Variants in TRIL observed in about 807,000 individuals in gnomAD.
The protein encoded by TRIL is TLR4 interactor with leucine rich repeats.
A neutral mutation model predicts 43.0 loss-of-function variants in TRIL; 23 were observed. The ratio of observed to expected loss-of-function variants is 0.54; its 90% CI spans 0.39 to 0.76. The LOEUF (loss-of-function observed/expected upper bound fraction) is 0.76, where lower values mean the gene tolerates loss of function less well. Among genes scored for constraint, TRIL ranks in the 30% least tolerant of loss-of-function variants. The pLI, the probability that TRIL is intolerant of heterozygous loss-of-function variation, is 0.00. For synonymous variants in TRIL, 602 were observed against 556.8 expected (o/e 1.08, Z -1.14); for missense variants, 1,114 against 1,139.3 (o/e 0.98, Z 0.32).
In TRIL at chr7:28,957,589, C is replaced by A. The variant is rs1274780199; in HGVS notation, c.458G>T (p.Gly153Val). Residue 153 changes from glycine to valine, a missense_variant, in exon 1 of 1, where the codon GGC (glycine) becomes GTC (valine). By Grantham distance (109) the Gly-to-Val change is moderately radical. Transcript: ENST00000539664. ...CCGCAGCTTGACTAGACTCTCCAGG[C>A]CCTCGAAGGAGCCGCGGCTTAGGCG... Reference protein sequence around the residue: ...ISRLSRGSFEGLESLVKLRLD... With the variant: ...ISRLSRGSFEVLESLVKLRLD... 6.2e-7 allele frequency: 1 copy of A among 1,612,246 alleles called. No homozygotes were observed.
rs778141580 is a variant in TRIL, at chr7:28,955,836, G to T, written c.2211C>A (p.His737Gln). The T allele has an allele frequency of 1.3e-6, 2 of 1,549,686 alleles. No individual in the cohort carries two copies. The highest frequency in any genetic ancestry group is 1.7e-6 in the Non-Finnish European group (2 of 1,146,736). Reference sequence around the variant, plus strand: ...GTCGGGTGGAGTACATGTGCCGAACGTGGACCGGGGCCCCGCCCTTCCGCC... The same window carrying T: ...GTCGGGTGGAGTACATGTGCCGAACTTGGACCGGGGCCCCGCCCTTCCGCC... ...RARRKGGAPV[H>Q]VRHMYSTRRP... The change falls in exon 1 of 1, where the codon CAC becomes CAA. Residue 737 changes from histidine (H) to glutamine (Q), a missense_variant. Transcript: ENST00000539664.
Position 28,956,566 on chromosome 7 carries a change from G to C in TRIL, c.1481C>G (p.Pro494Arg). 2 of 1,555,526 alleles carry C rather than the reference G, an allele frequency of 1.3e-6. No individual in the cohort carries two copies. Among genetic ancestry groups the C allele is most frequent in the Non-Finnish European group, 8.6e-7 (1 of 1,158,764 alleles). Residue 494 changes from proline (P) to arginine (R), a missense_variant, in exon 1 of 1, where the codon CCC becomes CGC. Coordinates refer to ENST00000539664, the MANE Select transcript of TRIL (RefSeq NM_014817.4). ...LSRRGPGLQQ[P>R]SPSVAAAAGP... is the part of the protein sequence containing the mutation. ...CGCGGCGGCAGCGACGGAGGGGCTGGGCTGCTGGAGGCCCGGGCCCCGCCG... is the reference window on the plus strand; with the variant it reads ...CGCGGCGGCAGCGACGGAGGGGCTGCGCTGCTGGAGGCCCGGGCCCCGCCG...
chr7:28,958,022 G>A lies in TRIL; in HGVS notation c.25C>T (p.Leu9Phe). The A allele has an allele frequency of 1.3e-6, 2 of 1,571,980 alleles. No homozygotes were observed. The highest frequency in any genetic ancestry group is 8.6e-7 in the Non-Finnish European group (1 of 1,165,980). ...AGGCAGCCGCACACCACGAGCAGGAGGCGCAAGGCGCGGGCAGCCTCCATC... is the reference window on the plus strand; with the variant it reads ...AGGCAGCCGCACACCACGAGCAGGAAGCGCAAGGCGCGGGCAGCCTCCATC... MEAARALRLLLVVCGCLAL... is the reference protein window; with the variant it reads MEAARALRFLLVVCGCLAL... Residue 9 changes from leucine (L) to phenylalanine (F), a missense_variant, in exon 1 of 1, where the codon CTC (leucine) becomes TTC (phenylalanine). By Grantham distance (22) the Leu-to-Phe change is conservative. Coordinates refer to ENST00000539664, the MANE Select transcript of TRIL (RefSeq NM_014817.4).
chr7:28,957,209 G>T lies in TRIL; in HGVS notation c.838C>A (p.Arg280Ser). 1 of 1,602,894 alleles carries T rather than the reference G, an allele frequency of 6.2e-7. No homozygotes were observed. Among genetic ancestry groups the T allele is most frequent in the South Asian group, 1.1e-5 (1 of 90,228 alleles). Reference sequence around the variant, plus strand: ...CGATTACCCTCCAGGCGCAGCTCGCGCAGGGCCTCCAAGCCCCAAAAGGCC... The same window carrying T: ...CGATTACCCTCCAGGCGCAGCTCGCTCAGGGCCTCCAAGCCCCAAAAGGCC... ...PEAFWGLEAL[R>S]ELRLEGNRLS... Residue 280 changes from arginine (R) to serine (S), a missense_variant, in exon 1 of 1, where the codon CGC becomes AGC. Arg to Ser is a moderately radical substitution (Grantham distance 110). Coordinates refer to ENST00000539664, the MANE Select transcript of TRIL (RefSeq NM_014817.4).
Position 28,957,249 on chromosome 7 carries a change from C to A in TRIL, c.798G>T (p.Thr266=), listed in dbSNP as rs1341480506. 6.2e-7 allele frequency: 1 copy of A among 1,608,000 alleles called. No individual in the cohort carries two copies. Among genetic ancestry groups the A allele is most frequent in the Non-Finnish European group, 8.5e-7 (1 of 1,179,614 alleles). Residue 266 remains threonine, a synonymous_variant, in exon 1 of 1, where the codon ACG becomes ACT. Transcript: ENST00000539664. ...GLLSLRGNQL[T]HLAPEAFWGL... ...CCCAAAAGGCCTCAGGCGCGAGGTG[C>A]GTGAGCTGGTTGCCCCTGAGCGAGA...
rs1249308725 is a variant in TRIL at position 28,954,511 on chromosome 7, T to TGG, written c.*1098_*1099dup. On this transcript the variant is annotated 3_prime_UTR_variant, in exon 1 of 1. Coordinates refer to ENST00000539664, the MANE Select transcript of TRIL (RefSeq NM_014817.4). The stretch of plus-strand genomic sequence containing the variant: ...ACTATTTCATATAAAGACACTAATG[T>TGG]GGTCAAACATTAAACTATCAATTGA... 1 of 152,632 alleles carries TGG rather than the reference T, an allele frequency of 6.6e-6. No individual in the cohort carries two copies. Among genetic ancestry groups the TGG allele is most frequent in the Non-Finnish European group, 1.5e-5 (1 of 68,046 alleles). The allele number at this position is 152,632 out of a possible 1,614,324, so 9.5% of individuals were successfully genotyped here. A position where few individuals can be genotyped will look rare whatever the true frequency, so the allele number is the denominator to read the frequency against.
Position 28,956,594 on chromosome 7 carries a change from T to A in TRIL, c.1453A>T (p.Ser485Cys). 1 of 1,562,680 alleles carries A rather than the reference T, an allele frequency of 6.4e-7. No homozygotes were observed. Among genetic ancestry groups the A allele is most frequent in the Non-Finnish European group, 8.6e-7 (1 of 1,161,880 alleles). Residue 485 changes from serine (S) to cysteine (C), a missense_variant, in exon 1 of 1, where the codon AGT becomes TGT. Physicochemically the swap from Ser to Cys is moderately radical, Grantham distance 112 (BLOSUM62 -1). Coordinates refer to ENST00000539664, the MANE Select transcript of TRIL (RefSeq NM_014817.4). ...TGCTGGAGGCCCGGGCCCCGCCGAC[T>A]CAGCCTTAGGGCGCTGCGGTTGCCT... The part of the protein sequence containing the change: ...LVGNRSALRL[S>C]RRGPGLQQPS...
rs868620678 is a variant in TRIL, at chr7:28,957,528, C to G, written c.519G>C (p.Ala173=). ...GCAGGTTGCCCAAGGGAGCGAAGAC[C>G]GCGTCCGGCAGCGCCCCCAGGGCGT... ...DGNALGALPD[A]VFAPLGNLLY... Residue 173 remains alanine, a synonymous_variant, in exon 1 of 1, where the codon GCG becomes GCC. Coordinates refer to ENST00000539664, the MANE Select transcript of TRIL (RefSeq NM_014817.4). 6.2e-7 allele frequency: 1 copy of G among 1,613,016 alleles called. No individual in the cohort carries two copies. Among genetic ancestry groups the G allele is most frequent in the Middle Eastern group, 1.7e-4 (1 of 6,058 alleles).
In TRIL at chr7:28,953,777, C is replaced by A. The variant is rs571541085; in HGVS notation, c.*1834G>T. ...TGTGGTTTATTAAGTTTTGGCCCCGCAGACGAGACTGCCAGAAAAGCAGCT... is the reference window on the plus strand; with the variant it reads ...TGTGGTTTATTAAGTTTTGGCCCCGAAGACGAGACTGCCAGAAAAGCAGCT... On this transcript the variant is annotated 3_prime_UTR_variant, in exon 1 of 1. Coordinates refer to ENST00000539664, the MANE Select transcript of TRIL (RefSeq NM_014817.4). 8.5e-5 allele frequency: 13 copies of A among 152,238 alleles called. No homozygotes were observed. The highest frequency in any genetic ancestry group is 1.6e-4 in the Non-Finnish European group (11 of 68,046). 9.4% of individuals were successfully genotyped at this position (152,238 alleles called of 1,614,324 possible). A position where few individuals can be genotyped will look rare whatever the true frequency, so the allele number is the denominator to read the frequency against.
In TRIL at chr7:28,955,970, C is replaced by T; in HGVS notation, c.2077G>A (p.Val693Ile). ...GCCAAGGTCAGCAGCTGGTAGTCGA[C>T]GCCGCCCCGGCTCCCGGCCTCCGGT... ...TLPEAGSRGG[V>I]DYQLLTLALL... The change falls in exon 1 of 1, where the codon GTC becomes ATC. Residue 693 changes from valine (V) to isoleucine (I), a missense_variant. By Grantham distance (29) the Val-to-Ile change is conservative (BLOSUM62 3). Coordinates refer to ENST00000539664, the MANE Select transcript of TRIL (RefSeq NM_014817.4). 1 of 1,552,246 alleles carries T rather than the reference C, an allele frequency of 6.4e-7. No individual in the cohort carries two copies. The highest frequency in any genetic ancestry group is 1.2e-5 in the South Asian group (1 of 84,570).
In TRIL at chr7:28,956,363, G is replaced by T; in HGVS notation, c.1684C>A (p.Arg562Ser). ...GCCCCACCGTCGGACTGGGCGGCACGCTCCTGGTGCTCCGTGCCCAGACGA... is the reference window on the plus strand; with the variant it reads ...GCCCCACCGTCGGACTGGGCGGCACTCTCCTGGTGCTCCGTGCCCAGACGA... ...KHRLGTEHQE[R>S]AAQSDGGAGL... Residue 562 changes from arginine (R) to serine (S), a missense_variant, in exon 1 of 1, where the codon CGT (arginine) becomes AGT (serine). Arg to Ser is a moderately radical substitution (Grantham distance 110, BLOSUM62 -1). Coordinates refer to ENST00000539664, the MANE Select transcript of TRIL (RefSeq NM_014817.4). 1 of 1,530,956 alleles carries T rather than the reference G, an allele frequency of 6.5e-7. No homozygotes were observed. Among genetic ancestry groups the T allele is most frequent in the Non-Finnish European group, 8.7e-7 (1 of 1,144,784 alleles). The allele number at this position is 1,530,956 out of a possible 1,614,324, so 94.8% of individuals were successfully genotyped here.
chr7:28,956,312 G>A lies in TRIL; in HGVS notation c.1735C>T (p.Pro579Ser). ...GAGLPPLVSD[P>S]CDFNKFILCN... Reference sequence around the variant, plus strand: ...AGAATGAACTTGTTGAAGTCGCATGGGTCGGACACCAGCGGCGGCAGCCCG... The same window carrying A: ...AGAATGAACTTGTTGAAGTCGCATGAGTCGGACACCAGCGGCGGCAGCCCG... The change falls in exon 1 of 1, where the codon CCA (proline) becomes TCA (serine). Residue 579 changes from proline (P) to serine (S), a missense_variant. Pro to Ser is a moderately conservative substitution (Grantham distance 74, BLOSUM62 -1). Transcript: ENST00000539664. 1.3e-6 allele frequency: 2 copies of A among 1,541,068 alleles called. No homozygotes were observed. Among genetic ancestry groups the A allele is most frequent in the Non-Finnish European group, 8.7e-7 (1 of 1,149,868 alleles).
Position 28,955,934 on chromosome 7 carries a change from C to G in TRIL, c.2113G>C (p.Val705Leu). The G allele has an allele frequency of 6.4e-7, 1 of 1,553,432 alleles. No homozygotes were observed. Among genetic ancestry groups the G allele is most frequent in the South Asian group, 1.2e-5 (1 of 84,392 alleles). ...GCCAGGAGCACCAGCAGCGCGTTGA[C>G]CGTCAGCAGGGCCAAGGTCAGCAGC... ...YQLLTLALLT[V>L]NALLVLLALA... The change falls in exon 1 of 1, where the codon GTC (valine) becomes CTC (leucine). Residue 705 changes from valine (V) to leucine (L), a missense_variant. Physicochemically the swap from Val to Leu is conservative, Grantham distance 32 (BLOSUM62 1). Coordinates refer to ENST00000539664, the MANE Select transcript of TRIL (RefSeq NM_014817.4).
At position 28,955,947 on chromosome 7, in the gene TRIL, C is replaced by T. The variant is rs1005245641; in HGVS notation, c.2100G>A (p.Leu700=). 2.6e-6 allele frequency: 4 copies of T among 1,554,338 alleles called. No homozygotes were observed. In the East Asian group the frequency reaches 9.6e-5, roughly 37 times the overall value. Residue 700 remains leucine, a synonymous_variant, in exon 1 of 1, where the codon TTG becomes TTA. Coordinates refer to ENST00000539664, the MANE Select transcript of TRIL (RefSeq NM_014817.4). ...RGGVDYQLLT[L]ALLTVNALLV... Reference sequence around the variant, plus strand: ...GCAGCGCGTTGACCGTCAGCAGGGCCAAGGTCAGCAGCTGGTAGTCGACGC... The same window carrying T: ...GCAGCGCGTTGACCGTCAGCAGGGCTAAGGTCAGCAGCTGGTAGTCGACGC...
At position 28,958,000 on chromosome 7, in the gene TRIL, C is replaced by T; in HGVS notation, c.47G>A (p.Cys16Tyr). ...CTCGGCCAGCGGCGGGAGCGCGAGGCAGCCGCACACCACGAGCAGGAGGCG... is the reference window on the plus strand; with the variant it reads ...CTCGGCCAGCGGCGGGAGCGCGAGGTAGCCGCACACCACGAGCAGGAGGCG... ...ALRLLLVVCG[C>Y]LALPPLAEPV... is the part of the protein sequence containing the mutation. Residue 16 changes from cysteine (C) to tyrosine (Y), a missense_variant, in exon 1 of 1, where the codon TGC becomes TAC. Transcript: ENST00000539664. 1 of 1,595,590 alleles carries T rather than the reference C, an allele frequency of 6.3e-7. No homozygotes were observed. Among genetic ancestry groups the T allele is most frequent in the Non-Finnish European group, 8.5e-7 (1 of 1,176,992 alleles).
chr7:28,957,170 G>T lies in TRIL; in HGVS notation c.877C>A (p.Pro293Thr). The T allele has an allele frequency of 6.3e-7, 1 of 1,593,930 alleles. No individual in the cohort carries two copies. Among genetic ancestry groups the T allele is most frequent in the Non-Finnish European group, 8.5e-7 (1 of 1,173,514 alleles). The change falls in exon 1 of 1, where the codon CCA (proline) becomes ACA (threonine). Residue 293 changes from proline to threonine, a missense_variant. Transcript: ENST00000539664. ...RLEGNRLSQL[P>T]TALLEPLHSL... ...TGCAGAGGCTCCAGCAGCGCAGTTG[G>T]CAGCTGGCTCAGCCGATTACCCTCC... is the stretch of plus-strand genomic sequence containing the variant.
At position 28,958,143 on chromosome 7, in the gene TRIL, T is replaced by C; in HGVS notation, c.-97A>G. On this transcript the variant is annotated 5_prime_UTR_variant, in exon 1 of 1. Coordinates refer to ENST00000539664, the MANE Select transcript of TRIL (RefSeq NM_014817.4). Reference sequence around the variant, plus strand: ...CCTTAGCCTGGCCAGAGTCGCTAAATGGCCTCTTTCGGACTTCGCAGCGCC... The same window carrying C: ...CCTTAGCCTGGCCAGAGTCGCTAAACGGCCTCTTTCGGACTTCGCAGCGCC... 1 of 1,414,834 alleles carries C rather than the reference T, an allele frequency of 7.1e-7. No homozygotes were observed. The highest frequency in any genetic ancestry group is 2.7e-5 in the East Asian group (1 of 37,386). 87.6% of individuals were successfully genotyped at this position (1,414,834 alleles called of 1,614,324 possible).
Position 28,958,207 on chromosome 7 carries a change from C to T in TRIL, c.-161G>A. ...TCCGTCCTTTGTCCGGAGGCCGGCC[C>T]GGGTCTCTGCAGGCGGGCTTCGCCC... On this transcript the variant is annotated 5_prime_UTR_variant, in exon 1 of 1. Coordinates refer to ENST00000539664, the MANE Select transcript of TRIL (RefSeq NM_014817.4). The T allele has an allele frequency of 1.8e-6, 2 of 1,106,336 alleles. No individual in the cohort carries two copies. Among genetic ancestry groups the T allele is most frequent in the South Asian group, 1.9e-5 (1 of 52,762 alleles). 68.5% of individuals were successfully genotyped at this position (1,106,336 alleles called of 1,614,324 possible). A position where few individuals can be genotyped will look rare whatever the true frequency, so the allele number is the denominator to read the frequency against.
At position 28,953,521 on chromosome 7, in the gene TRIL, AACCAGAGGCCTT is replaced by A. The variant is rs1290288875; in HGVS notation, c.*2078_*2089del. 1 of 152,450 alleles carries A rather than the reference AACCAGAGGCCTT, an allele frequency of 6.6e-6. No homozygotes were observed. The highest frequency in any genetic ancestry group is 1.5e-5 in the Non-Finnish European group (1 of 68,038). 9.4% of individuals were successfully genotyped at this position (152,450 alleles called of 1,614,324 possible). A position where few individuals can be genotyped will look rare whatever the true frequency, so the allele number is the denominator to read the frequency against. On this transcript the variant is annotated 3_prime_UTR_variant, in exon 1 of 1. Transcript: ENST00000539664. ...GGCTGAAAAGGTGGGTGGTGAGGAG[AACCAGAGGCCTT>A]GTCCATACTTGCAATGGGACTCAAT...
Sources: gnomAD v4.1 joint callset for allele counts on GRCh38, gnomAD v4.1.1 for gene constraint, MANE v1.5 for transcripts, NCBI Gene and HGNC (gene_info 2026-07-23, HGNC 2026-07-21) for gene names.